PRELID2: variants seen among roughly 807,000 people sequenced by gnomAD.
PRELID2 encodes PRELI domain containing 2, also known as PRELI domain-containing protein 2.
PRELID2 carries 25 observed loss-of-function variants against 28.4 expected under a neutral mutation model. The ratio of observed to expected loss-of-function variants is 0.88; its 90% CI spans 0.64 to 1.23. PRELID2 has a LOEUF of 1.23. PRELID2 is among the 50% of genes most tolerant of loss of function. The pLI is 0.00. For missense variants in PRELID2, 201 were observed against 214.4 expected, an observed-to-expected ratio of 0.94 and a Z score of 0.39; for synonymous variants, 76 against 71.6, an observed-to-expected ratio of 1.06 and a Z score of -0.31.
intron 1 of PRELID2, among the ~76,000 whole-genome samples, chr5:145,575,178 T>C (rs1222951585): frequency 3.9e-5 from 6 of 152,148 alleles, no homozygotes; most frequent in Admixed American, 3.9e-4. Flanking sequence ...AATTCCAGAA[T>C]CGGGGTTTGT....
At position 145,706,583 on chromosome 5, in the gene PRELID2, T is replaced by C. The variant is rs145124191; in HGVS notation, n.70+58348A>G. On this transcript the variant is annotated intron_variant and non_coding_transcript_variant, in intron 1 of 2. Transcript: ENST00000510259. ...TAGGGGAAATACAATTCAATGTCTATGGGTCACCTCCTGTGCACTAGGCAC... is the reference window on the plus strand; with the variant it reads ...TAGGGGAAATACAATTCAATGTCTACGGGTCACCTCCTGTGCACTAGGCAC... Among the ~76,000 whole-genome samples the C allele has an allele frequency of 6.4e-4, 98 of 152,294 alleles. No individual in the cohort carries two copies. The East Asian group carries it at 0.017, about 26-fold the overall frequency.
rs572019413 is a variant in PRELID2, at chr5:145,781,278, G to A, written c.474+15164C>T. On this transcript the variant is annotated intron_variant, in intron 5 of 6. Transcript: ENST00000683046. ...GAAGTAGCATGCTGCAGGGCTGAAG[G>A]ACACAGCTGTTGCTAAACTAGTAGA... is the stretch of plus-strand genomic sequence containing the variant. Among the ~76,000 whole-genome samples the A allele has an allele frequency of 2.6e-5, 4 of 152,272 alleles. No homozygotes were observed. The South Asian group carries it at 8.3e-4, about 32-fold the overall frequency.
the PRELID2 span, among the ~76,000 whole-genome samples, chr5:145,294,996 A>G: frequency 6.6e-6 from 1 of 152,188 alleles, no homozygotes; most frequent in Non-Finnish European, 1.5e-5. Flanking sequence ...TTTTGCTGTG[A>G]ATGAGGTACT....
intron 1 of PRELID2, among the ~76,000 whole-genome samples, chr5:145,699,494 T>C (rs1018293625): frequency 7.2e-5 from 11 of 152,116 alleles, no homozygotes; most frequent in South Asian, 4.1e-4. Flanking sequence ...CTGAGGGTCA[T>C]ACCTAGGCTG....
chr5:145,310,305 T>C, the PRELID2 span, among the ~76,000 whole-genome samples: 2 of 152,214 alleles, frequency 1.3e-5, no homozygotes, highest in African/African-American at 4.8e-5. Flanking sequence ...ATTATCTTAG[T>C]CTGCTAGACA....
At chr5:145,710,194 A>G (rs1026090440) in intron 1 of PRELID2, among the ~76,000 whole-genome samples, 1 of 152,154 alleles carries the variant, frequency 6.6e-6, no homozygotes, top group Non-Finnish European at 1.5e-5. Context: ...AAGGCACAAT[A>G]TTTTACTTAT....
chr5:145,741,239 T>A (rs1348958020), intron 1 of PRELID2, among the ~76,000 whole-genome samples: 1 of 112,860 alleles, frequency 8.9e-6, no homozygotes, highest in African/African-American at 3.7e-5. Context: ...ATATATAATA[T>A]AAATATATAA....
the PRELID2 span, among the ~76,000 whole-genome samples, chr5:145,434,449 C>G: frequency 6.6e-6 from 1 of 152,178 alleles, no homozygotes; most frequent in East Asian, 1.9e-4. Flanking sequence ...AAATAACAAC[C>G]CCTGACACGT....
At chr5:145,709,974 T>G (rs992704202) in intron 1 of PRELID2, among the ~76,000 whole-genome samples, 1 of 152,158 alleles carries the variant, frequency 6.6e-6, no homozygotes, top group African/African-American at 2.4e-5. Context: ...CGAGATCTAA[T>G]ATTTAAATCT....
In PRELID2 at chr5:145,804,043, GTTC is replaced by G. The variant is rs1753330583; in HGVS notation, c.369-7499_369-7497del. Among the ~76,000 whole-genome samples, 5 of 152,176 alleles carry G rather than the reference GTTC, an allele frequency of 3.3e-5. No individual in the cohort carries two copies. The South Asian group carries it at 1.0e-3, about 32-fold the overall frequency. On this transcript the variant is annotated intron_variant, in intron 4 of 6. Coordinates refer to ENST00000683046, the MANE Select transcript of PRELID2 (RefSeq NM_205846.3). The stretch of plus-strand genomic sequence containing the variant: ...CTCCTAAGCGCTTTCCCTCTGAGCT[GTTC>G]TTCTAACCCATCCCAGAAACCAACA...
At chr5:145,239,928 G>A in the PRELID2 span, among the ~76,000 whole-genome samples, 1 of 151,968 alleles carries the variant, frequency 6.6e-6, no homozygotes, top group African/African-American at 2.4e-5. Context: ...CACAATTTGT[G>A]CTAAATTATT....
chr5:145,304,943 C>T, the PRELID2 span, among the ~76,000 whole-genome samples: 33,602 of 151,872 alleles, frequency 0.22, 4,561 homozygotes, highest in Non-Finnish European at 0.3. Context: ...AAATATTTGT[C>T]GAACGAATAA....
chr5:145,393,862 G>A, the PRELID2 span, among the ~76,000 whole-genome samples: 32 of 152,290 alleles, frequency 2.1e-4, no homozygotes, highest in South Asian at 4.2e-4. Context: ...GTGAAATTCT[G>A]TGCATTGTGT....
intron 1 of PRELID2, among the ~76,000 whole-genome samples, chr5:145,692,365 C>T (rs868243826): frequency 1.6e-4 from 24 of 150,672 alleles, no homozygotes; most frequent in African/African-American, 5.1e-4. Context: ...CATGGAGGTA[C>T]ACACACACAC....
chr5:145,622,427 C>G (rs2149652715), intron 1 of PRELID2, among the ~76,000 whole-genome samples: 1 of 152,054 alleles, frequency 6.6e-6, no homozygotes, highest in East Asian at 1.9e-4. Flanking sequence ...ACTACTTATG[C>G]TAAAGGAAAT....
the PRELID2 span, among the ~76,000 whole-genome samples, chr5:145,340,003 C>T: frequency 2.0e-4 from 31 of 152,292 alleles, no homozygotes; most frequent in East Asian, 4.1e-3. Flanking sequence ...TACCTGCCTA[C>T]GCTGAGCTAG....
At chr5:145,470,395 A>T (rs1752043036), downstream of PRELID2, among the ~76,000 whole-genome samples, 1 of 152,176 alleles carries the variant, frequency 6.6e-6, no homozygotes, top group African/African-American at 2.4e-5. Context: ...AAATATCTTC[A>T]GGCCCATCTA....
chr5:145,614,373 G>A (rs959360654), intron 1 of PRELID2, among the ~76,000 whole-genome samples: 4 of 152,190 alleles, frequency 2.6e-5, no homozygotes, highest in African/African-American at 7.2e-5. Flanking sequence ...GTGGTATTTT[G>A]ATGGGGATTG....
the PRELID2 span, among the ~76,000 whole-genome samples, chr5:145,333,158 G>T: frequency 6.6e-6 from 1 of 152,144 alleles, no homozygotes; most frequent in Admixed American, 6.5e-5. Context: ...TCCCAGAGGG[G>T]CACCTGCCAG....
Sources: allele counts gnomAD v4.1 joint callset (sites outside exome capture counted in the v4.1 genomes callset), GRCh38; gene constraint gnomAD v4.1.1; transcripts MANE v1.5; gene names NCBI Gene and HGNC (gene_info 2026-07-23, HGNC 2026-07-21).